The following GPC3 variants were observed in gnomAD, a reference collection of about 807,000 sequenced individuals.
GPC3 encodes the protein glypican-3.
In GPC3, 3 loss-of-function variants were observed where a neutral mutation model predicts 34.4. That is an observed-to-expected ratio of 0.09 (90% CI 0.04 to 0.23). GPC3 has a LOEUF of 0.23. Among genes scored for constraint, GPC3 ranks in the 10% least tolerant of loss-of-function variants. The pLI is 1.00. For synonymous variants in GPC3, 177 were observed against 174.0 expected (o/e 1.02, Z -0.13); for missense variants, 351 against 445.6 (o/e 0.79, Z 1.91).
intron 5 of GPC3, among the ~76,000 whole-genome samples, chrX:133,668,286 A>G (rs771231822): frequency 1.8e-5 from 2 of 111,701 alleles, no homozygotes; most frequent in Non-Finnish European, 3.8e-5. Context: ...GTGAACATGA[A>G]TGTAAATTAT....
At chrX:133,736,182 A>G (rs2071510054) in intron 3 of GPC3, among the ~76,000 whole-genome samples, 1 of 111,912 alleles carries the variant, frequency 8.9e-6, no homozygotes, top group African/African-American at 3.2e-5. Context: ...ATGAGATACC[A>G]CTTAAAATCC....
intron 3 of GPC3, among the ~76,000 whole-genome samples, chrX:133,739,406 G>A (rs889583734): frequency 5.3e-5 from 6 of 112,212 alleles, no homozygotes; most frequent in Non-Finnish European, 1.1e-4. Context: ...ATTTTATAGT[G>A]CTGCCACGTG....
chrX:133,861,999 G>A (rs967458269), intron 2 of GPC3, among the ~76,000 whole-genome samples: 2 of 111,342 alleles, frequency 1.8e-5, no homozygotes, highest in African/African-American at 6.5e-5. Context: ...TCATAAATTA[G>A]TTTTGCATGT....
At chrX:133,605,179 G>A (rs771699075) in intron 6 of GPC3, among the ~76,000 whole-genome samples, 1,828 of 108,732 alleles carry the variant, frequency 0.017, 36 homozygotes, top group African/African-American at 0.058. Context: ...ACGTGGGGGG[G>A]GGGCAATAAA....
chrX:133,875,247 C>G (rs772062943), intron 2 of GPC3, among the ~76,000 whole-genome samples: 1 of 111,827 alleles, frequency 8.9e-6, no homozygotes, highest in Non-Finnish European at 1.9e-5. Flanking sequence ...TACACAGAGA[C>G]GAAAGAGGAG....
At chrX:133,775,191 A>T (rs1283320738) in intron 2 of GPC3, among the ~76,000 whole-genome samples, 1 of 110,265 alleles carries the variant, frequency 9.1e-6, no homozygotes, top group East Asian at 2.8e-4. Context: ...ACTGTTATCA[A>T]CATGAGTTAA....
chrX:133,675,678 C>T (rs929141957), intron 5 of GPC3, among the ~76,000 whole-genome samples: 4 of 112,208 alleles, frequency 3.6e-5, no homozygotes, highest in African/African-American at 1.3e-4. Context: ...TCCCCCAAAT[C>T]TGCAGCCACT....
At chrX:133,571,183 C>A (rs190359302) in intron 7 of GPC3, among the ~76,000 whole-genome samples, 4 of 111,520 alleles carry the variant, frequency 3.6e-5, no homozygotes, top group Non-Finnish European at 7.5e-5. Context: ...ATATTGAACA[C>A]CATTTAAAAT....
intron 2 of GPC3, among the ~76,000 whole-genome samples, chrX:133,924,489 G>T (rs1191119473): frequency 8.9e-6 from 1 of 111,963 alleles, no homozygotes; most frequent in African/African-American, 3.2e-5. Flanking sequence ...CTCCACGGAT[G>T]CTATACAAGC....
chrX:133,691,797 C>T (rs982128349), intron 5 of GPC3, among the ~76,000 whole-genome samples: 11 of 111,815 alleles, frequency 9.8e-5, no homozygotes, highest in Non-Finnish European at 1.9e-4. Flanking sequence ...AATAAGGACC[C>T]ACATAATGAG....
At chrX:133,845,781 CCT>C (rs2075844866) in intron 2 of GPC3, among the ~76,000 whole-genome samples, 1 of 112,183 alleles carries the variant, frequency 8.9e-6, no homozygotes, top group Non-Finnish European at 1.9e-5. Context: ...CCAGGGTCTT[CCT>C]CTCTCACAGT....
At chrX:133,817,321 T>C (rs113127889) in intron 2 of GPC3, among the ~76,000 whole-genome samples, 2,663 of 111,798 alleles carry the variant, frequency 0.024, 93 homozygotes, top group African/African-American at 0.082. Flanking sequence ...CTCTTTGTAT[T>C]ACAGTGATGC....
At chrX:133,540,955 T>TGTGTGTGC (rs1422253850) in intron 7 of GPC3, among the ~76,000 whole-genome samples, 8 of 97,923 alleles carry the variant, frequency 8.2e-5, no homozygotes, top group African/African-American at 3.1e-4. Flanking sequence ...TGTGTGTGTG[T>TGTGTGTGC]GCGCGCACTG....
At chrX:133,733,919 A>G (rs1047937836) in intron 3 of GPC3, among the ~76,000 whole-genome samples, 11 of 112,180 alleles carry the variant, frequency 9.8e-5, no homozygotes, top group Admixed American at 9.4e-4. Context: ...CACAAAAAAA[A>G]GCATAGGATC....
chrX:133,655,506 C>A (rs2313924), intron 6 of GPC3, among the ~76,000 whole-genome samples: 1,274 of 94,650 alleles, frequency 0.013, 24 homozygotes, highest in African/African-American at 0.045. Context: ...ACACACACAC[C>A]CACACACACA....
rs1488028771 is a variant in GPC3 at position 133,661,851 on chromosome X, C to G, written c.1293-1G>C. ...ATTCCTTGCTGCCTTTTGGCTGTAT[C>G]TGTAAAGGTGAAGGTAAAGAAAAGG... On this transcript the variant is annotated splice_acceptor_variant, in intron 5 of 7. Coordinates refer to ENST00000370818, the MANE Select transcript of GPC3 (RefSeq NM_004484.4). LOFTEE classifies it high-confidence loss of function. 1 of 1,196,680 alleles carries G rather than the reference C, an allele frequency of 8.4e-7. No individual in the cohort carries two copies. The highest frequency in any genetic ancestry group is 1.8e-5 in the African/African-American group (1 of 55,639).
At chrX:133,739,615 G>A (rs2071545197) in intron 3 of GPC3, among the ~76,000 whole-genome samples, 1 of 111,216 alleles carries the variant, frequency 9.0e-6, no homozygotes. Context: ...GGAGGCTGAG[G>A]TGGGAGGATC....
chrX:133,859,092 A>G (rs1408041487), intron 2 of GPC3, among the ~76,000 whole-genome samples: 21 of 110,028 alleles, frequency 1.9e-4, no homozygotes, highest in African/African-American at 3.3e-5. Flanking sequence ...AAAAAAAAAA[A>G]AAAAGAAAAG....
intron 6 of GPC3, among the ~76,000 whole-genome samples, chrX:133,644,843 C>T (rs752089039): frequency 2.7e-5 from 3 of 110,904 alleles, no homozygotes; most frequent in African/African-American, 6.6e-5. Context: ...TGCAGTGGCA[C>T]GATCTTGGCT....
Sources: allele counts gnomAD v4.1 joint callset (sites outside exome capture counted in the v4.1 genomes callset), GRCh38; gene constraint gnomAD v4.1.1; transcripts MANE v1.5; gene names NCBI Gene and HGNC (gene_info 2026-07-23, HGNC 2026-07-21).